The following CREBZF variants were observed in gnomAD, a reference collection of about 807,000 sequenced individuals.
CREBZF encodes CREB/ATF bZIP transcription factor, also known as HCF-binding transcription factor Zhangfei.
A neutral mutation model predicts 21.1 loss-of-function variants in CREBZF; 8 were observed. The observed-to-expected ratio is 0.38, with a 90% CI of 0.22 to 0.68. The LOEUF is 0.68. Among genes scored for constraint, CREBZF ranks in the 30% least tolerant of loss-of-function variants. The probability of loss-of-function intolerance (pLI) is 0.51; values close to 1 mark genes in which losing one functional copy is unlikely to be tolerated. For missense variants in CREBZF, 518 were observed against 484.3 expected, an observed-to-expected ratio of 1.07 and a Z score of -0.65; for synonymous variants, 270 against 223.3, an observed-to-expected ratio of 1.21 and a Z score of -1.86.
In CREBZF at chr11:85,662,066, T is replaced by A; in HGVS notation, c.*1745A>T. The A allele has an allele frequency of 4.3e-6, 1 of 232,172 alleles. No homozygotes were observed. The highest frequency in any genetic ancestry group is 6.2e-5 in the South Asian group (1 of 16,070). The allele number at this position is 232,172 out of a possible 1,614,324, so 14.4% of individuals were successfully genotyped here. The stretch of plus-strand genomic sequence containing the variant: ...GCTCCTGCCCTTAGGTATAAGCAGG[T>A]TCATCACTCCAATTTGTGAGTTTGG... On this transcript the variant is annotated 3_prime_UTR_variant, in exon 1 of 1. Transcript: ENST00000527447.
Position 85,661,305 on chromosome 11 carries a change from A to C in CREBZF, c.*2506T>G, listed in dbSNP as rs2082671234. On this transcript the variant is annotated 3_prime_UTR_variant, in exon 1 of 1. Coordinates refer to ENST00000527447, the MANE Select transcript of CREBZF (RefSeq NM_001039618.4). The stretch of plus-strand genomic sequence containing the variant: ...TGAAGTTGATGTAAAAAATGACAAA[A>C]TCACTAAGTCACCAAAACTAGAAAA... The C allele has an allele frequency of 1.3e-5, 2 of 152,470 alleles. No individual in the cohort carries two copies. Among genetic ancestry groups the C allele is most frequent in the Non-Finnish European group, 2.9e-5 (2 of 67,958 alleles). The allele number at this position is 152,470 out of a possible 1,614,324, so 9.4% of individuals were successfully genotyped here. A position where few individuals can be genotyped will look rare whatever the true frequency, so the allele number is the denominator to read the frequency against.
chr11:85,667,926 C>T (rs1168440124), upstream of CREBZF, among the ~76,000 whole-genome samples: 1 of 151,818 alleles, frequency 6.6e-6, no homozygotes. Flanking sequence ...GCCAAGATCA[C>T]GCCATTGCAC....
rs2082648464 is a variant in CREBZF at position 85,660,678 on chromosome 11, T to G, written c.*3133A>C. ...TTAAAATATTTTGAACACTTCTTGT[T>G]GGATTATATCAGAGGTGTGACTACA... On this transcript the variant is annotated 3_prime_UTR_variant, in exon 1 of 1. Coordinates refer to ENST00000527447, the MANE Select transcript of CREBZF (RefSeq NM_001039618.4). 1 of 444,256 alleles carries G rather than the reference T, an allele frequency of 2.3e-6. No individual in the cohort carries two copies. Among genetic ancestry groups the G allele is most frequent in the South Asian group, 1.6e-5 (1 of 62,030 alleles). 27.5% of individuals were successfully genotyped at this position (444,256 alleles called of 1,614,324 possible). A position where few individuals can be genotyped will look rare whatever the true frequency, so the allele number is the denominator to read the frequency against.
chr11:85,673,277 T>C (rs1220854536), intron 1 of CREBZF, among the ~76,000 whole-genome samples: 1 of 152,174 alleles, frequency 6.6e-6, no homozygotes, highest in African/African-American at 2.4e-5. Flanking sequence ...GTTAGTGTTT[T>C]TCTGAGTAGA....
upstream of CREBZF, among the ~76,000 whole-genome samples, chr11:85,666,164 T>A (rs116091618): frequency 1.3e-5 from 2 of 152,392 alleles, no homozygotes; most frequent in African/African-American, 4.8e-5. Context: ...ACATGTCTTT[T>A]ATTTTAGAGA....
intron 1 of CREBZF, among the ~76,000 whole-genome samples, chr11:85,676,179 G>C (rs1169160167): frequency 1.3e-5 from 2 of 152,200 alleles, no homozygotes; most frequent in Non-Finnish European, 2.9e-5. Flanking sequence ...GAGAATTGCT[G>C]CTTCAGTGGA....
chr11:85,676,106 T>C lies in CREBZF; in HGVS notation n.147+6611A>G, dbSNP rs568140692. On this transcript the variant is annotated intron_variant and non_coding_transcript_variant, in intron 1 of 3. Coordinates refer to the CREBZF transcript ENST00000531515. The stretch of plus-strand genomic sequence containing the variant: ...TACCATCATTTGTAACCAACTGAAA[T>C]AGTGAGAAATTACTAGTGTATGTCC... 2.6e-4 allele frequency among the ~76,000 whole-genome samples: 40 copies of C among 152,338 alleles called. 1 individual carries two copies. Among genetic ancestry groups the C allele is most frequent in the African/African-American group, 7.2e-4 (30 of 41,568 alleles).
chr11:85,681,566 T>G (rs1302270986), intron 1 of CREBZF, among the ~76,000 whole-genome samples: 1 of 152,176 alleles, frequency 6.6e-6, no homozygotes, highest in Non-Finnish European at 1.5e-5. Flanking sequence ...GCTCACAGTT[T>G]AAGGAACAAA....
At chr11:85,668,252 A>G (rs186990886), upstream of CREBZF, among the ~76,000 whole-genome samples, 12 of 152,282 alleles carry the variant, frequency 7.9e-5, no homozygotes, top group East Asian at 2.3e-3. Context: ...ACTTTAGAAG[A>G]CTTTCCAAGT....
At chr11:85,671,361 A>T (rs996306812) in intron 1 of CREBZF, among the ~76,000 whole-genome samples, 1 of 152,214 alleles carries the variant, frequency 6.6e-6, no homozygotes, top group African/African-American at 2.4e-5. Context: ...GTGGGGACAC[A>T]GCCAAACAAC....
At chr11:85,678,609 T>C (rs574567471) in intron 1 of CREBZF, among the ~76,000 whole-genome samples, 1 of 152,332 alleles carries the variant, frequency 6.6e-6, no homozygotes, top group Non-Finnish European at 1.5e-5. Flanking sequence ...TCTTTGCAGT[T>C]CTATTTGTCC....
intron 1 of CREBZF, among the ~76,000 whole-genome samples, chr11:85,671,783 G>A (rs1043006075): frequency 6.6e-6 from 1 of 152,200 alleles, no homozygotes; most frequent in Non-Finnish European, 1.5e-5. Context: ...GCTTTGCAGG[G>A]TCCAGGCCCC....
intron 1 of CREBZF, among the ~76,000 whole-genome samples, chr11:85,673,097 C>A (rs145163830): frequency 2.6e-4 from 40 of 152,224 alleles, no homozygotes; most frequent in African/African-American, 9.1e-4. Flanking sequence ...TTTGTTTCAG[C>A]TTTTACGTTT....
At chr11:85,679,524 T>C (rs1032885102) in intron 1 of CREBZF, among the ~76,000 whole-genome samples, 1 of 152,232 alleles carries the variant, frequency 6.6e-6, no homozygotes, top group African/African-American at 2.4e-5. Flanking sequence ...CACTACCTTT[T>C]GTTGGTATGT....
At chr11:85,672,051 A>C (rs1328185911) in intron 1 of CREBZF, among the ~76,000 whole-genome samples, 2 of 152,164 alleles carry the variant, frequency 1.3e-5, no homozygotes, top group Admixed American at 1.3e-4. Context: ...GTTTCCATAC[A>C]TCCTCTAAAA....
exon 1 of CREBZF, chr11:85,682,805 A>G (rs895502956): frequency 2.8e-6 from 2 of 701,908 alleles, no homozygotes; most frequent in Admixed American, 2.0e-5. Context: ...TTAGGCCCCA[A>G]GGATTACCAC....
In CREBZF at chr11:85,663,669, T is replaced by C; in HGVS notation, c.*142A>G. On this transcript the variant is annotated 3_prime_UTR_variant, in exon 1 of 1. Coordinates refer to ENST00000527447, the MANE Select transcript of CREBZF (RefSeq NM_001039618.4). ...GGTTACTGTGTCACATTCATGCTTT[T>C]AGCTAAACACTTTAAGATTCAATAT... The C allele has an allele frequency of 6.2e-7, 1 of 1,609,156 alleles. No homozygotes were observed. Among genetic ancestry groups the C allele is most frequent in the Non-Finnish European group, 8.5e-7 (1 of 1,177,716 alleles).
intron 1 of CREBZF, among the ~76,000 whole-genome samples, chr11:85,673,097 C>T (rs145163830): frequency 2.6e-5 from 4 of 152,224 alleles, no homozygotes; most frequent in African/African-American, 9.6e-5. Flanking sequence ...TTTGTTTCAG[C>T]TTTTACGTTT....
intron 1 of CREBZF, among the ~76,000 whole-genome samples, chr11:85,681,059 A>G (rs751077042): frequency 7.2e-5 from 11 of 152,200 alleles, no homozygotes; most frequent in Non-Finnish European, 1.0e-4. Context: ...TGGCTGAGGT[A>G]TTTGCATATG....
Sources: allele counts gnomAD v4.1 joint callset (sites outside exome capture counted in the v4.1 genomes callset), GRCh38; gene constraint gnomAD v4.1.1; transcripts MANE v1.5; gene names NCBI Gene and HGNC (gene_info 2026-07-23, HGNC 2026-07-21).